The following SIPA1L3 variants were observed in gnomAD, a reference collection of about 807,000 sequenced individuals.
SIPA1L3 encodes the protein signal-induced proliferation-associated 1-like protein 3.
In SIPA1L3, 59 loss-of-function variants were observed where a neutral mutation model predicts 150.1. That is an observed-to-expected ratio of 0.39 (90% CI 0.32 to 0.49). SIPA1L3 has a LOEUF of 0.49. Ranked by LOEUF, SIPA1L3 falls within the 20% of genes least tolerant of loss-of-function variation. SIPA1L3 has a pLI of 0.86. For synonymous variants in SIPA1L3, 1,070 were observed against 1,077.6 expected (o/e 0.99, Z 0.14); for missense variants, 2,211 against 2,489.5 (o/e 0.89, Z 2.38).
At chr19:38,093,061 G>C (rs559288879) in intron 4 of SIPA1L3, among the ~76,000 whole-genome samples, 12 of 152,028 alleles carry the variant, frequency 7.9e-5, no homozygotes, top group Non-Finnish European at 1.6e-4. Flanking sequence ...GGGTTTCACT[G>C]TGTTAGGCAG....
intron 9 of SIPA1L3, among the ~76,000 whole-genome samples, chr19:38,124,430 T>A (rs1433690851): frequency 2.7e-5 from 4 of 147,754 alleles, no homozygotes; most frequent in Non-Finnish European, 5.9e-5. Context: ...CGTTCCTCAC[T>A]TCCTAGATGG....
intron 8 of SIPA1L3, among the ~76,000 whole-genome samples, chr19:38,115,669 C>T (rs905081943): frequency 1.3e-5 from 2 of 152,190 alleles, no homozygotes; most frequent in African/African-American, 4.8e-5. Context: ...GGCTGCAGCA[C>T]TCTCCCCCAG....
rs552210592 is a variant in SIPA1L3, at chr19:38,102,049, CTTTTTTTTT to C, written c.2029+832_2029+840del. Among the ~76,000 whole-genome samples the C allele has an allele frequency of 7.3e-3, 997 of 137,144 alleles. 9 individuals carry two copies. Among genetic ancestry groups the C allele is most frequent in the African/African-American group, 0.025 (959 of 37,856 alleles). The allele number at this position is 137,144 out of a possible 152,430, so 90.0% of individuals were successfully genotyped here. A position where few individuals can be genotyped will look rare whatever the true frequency, so the allele number is the denominator to read the frequency against. On this transcript the variant is annotated intron_variant, in intron 6 of 21. Transcript: ENST00000222345. ...CAATTTTTTTCTTTTCTTTTCTTTTCTTTTTTTTTTTTTTTTTGAAACAGTCTGCCTCTA... is the reference window on the plus strand; with the variant it reads ...CAATTTTTTTCTTTTCTTTTCTTTTCTTTTTTTTGAAACAGTCTGCCTCTA...
rs1054320460 is a variant in SIPA1L3, at chr19:38,162,154, A to G, written c.3662-99A>G. On this transcript the variant is annotated intron_variant, in intron 13 of 21. Transcript: ENST00000222345. The stretch of plus-strand genomic sequence containing the variant: ...CTCCAAGGTGTAAATTGATGGGGTC[A>G]TGCCGTGGGTGAGCAGACAGTCTGG... 3.6e-6 allele frequency: 3 copies of G among 844,056 alleles called. No homozygotes were observed. The African/African-American group carries it at 5.0e-5, about 14-fold the overall frequency. The allele number at this position is 844,056 out of a possible 1,614,324, so 52.3% of individuals were successfully genotyped here.
At chr19:38,115,151 G>A (rs1461249975) in intron 8 of SIPA1L3, among the ~76,000 whole-genome samples, 1 of 152,204 alleles carries the variant, frequency 6.6e-6, no homozygotes, top group East Asian at 1.9e-4. Context: ...GGCTCAGAGG[G>A]AGACGGGAGA....
intron 21 of SIPA1L3, 44 bp from the exon 22 acceptor site, chr19:38,206,053 C>A: frequency 6.7e-7 from 1 of 1,496,640 alleles, no homozygotes; most frequent in Admixed American, 2.2e-5. Flanking sequence ...GTTCCAGGAG[C>A]GGCCAAGCCC....
At chr19:37,945,883 G>C (rs940421789) in intron 1 of SIPA1L3, among the ~76,000 whole-genome samples, 1 of 152,260 alleles carries the variant, frequency 6.6e-6, no homozygotes, top group South Asian at 2.1e-4. Flanking sequence ...GGCTGGGCGT[G>C]GTGGCTCACG....
At chr19:37,908,436 A>G (rs1299308237) in intron 1 of SIPA1L3, among the ~76,000 whole-genome samples, 2 of 152,170 alleles carry the variant, frequency 1.3e-5, no homozygotes, top group African/African-American at 4.8e-5. Context: ...CTGTGACATG[A>G]CAGCCCTGAG....
intron 1 of SIPA1L3, among the ~76,000 whole-genome samples, chr19:37,981,987 A>G (rs1052041285): frequency 1.3e-5 from 2 of 152,192 alleles, no homozygotes; most frequent in Non-Finnish European, 2.9e-5. Flanking sequence ...CTATCTTGCC[A>G]TCAGAGAGGC....
intron 12 of SIPA1L3, among the ~76,000 whole-genome samples, chr19:38,150,848 A>G (rs925237300): frequency 1.8e-4 from 28 of 152,096 alleles, no homozygotes; most frequent in African/African-American, 5.6e-4. Flanking sequence ...GCTAATATCA[A>G]CATTATTAAT....
At chr19:38,088,566 T>G (rs1235140506) in intron 3 of SIPA1L3, among the ~76,000 whole-genome samples, 155 bp from the exon 4 acceptor site, 1 of 152,184 alleles carries the variant, frequency 6.6e-6, no homozygotes, top group African/African-American at 2.4e-5. Flanking sequence ...GTGTCTCCAC[T>G]GGGGGTGTCT....
At chr19:37,943,729 G>A (rs1045932343) in intron 1 of SIPA1L3, among the ~76,000 whole-genome samples, 1 of 151,980 alleles carries the variant, frequency 6.6e-6, no homozygotes, top group African/African-American at 2.4e-5. Flanking sequence ...CCACTCACAG[G>A]GTGTGTGTTG....
chr19:38,041,662 G>A (rs1195244362), intron 2 of SIPA1L3, among the ~76,000 whole-genome samples: 2 of 151,128 alleles, frequency 1.3e-5, no homozygotes, highest in South Asian at 2.1e-4. Flanking sequence ...GGCTGGTCTC[G>A]AACTCCTAAC....
rs4803641 is a variant in SIPA1L3, at chr19:37,973,560, A to C, written c.-378-55529A>C. ...AAAAAAAAAAAAAAAAAAAAGCGGG[A>C]GGGGGGCGCATCTTGAAGCACTAAA... On this transcript the variant is annotated intron_variant, in intron 1 of 21. Transcript: ENST00000222345. Among the ~76,000 whole-genome samples, 32 of 94,974 alleles carry C rather than the reference A, an allele frequency of 3.4e-4. 4 individuals carry two copies. The highest frequency in any genetic ancestry group is 1.4e-3 in the African/African-American group (28 of 19,672). 62.3% of individuals were successfully genotyped at this position (94,974 alleles called of 152,430 possible).
chr19:38,198,294 G>T lies in SIPA1L3; in HGVS notation c.4841-95G>T, dbSNP rs376931610. The stretch of plus-strand genomic sequence containing the variant: ...CCCTGCTGGAGGTTTTCCTGGGCAT[G>T]TAGCATCTCTGCATAAGCAATGGGA... On this transcript the variant is annotated intron_variant, in intron 18 of 21. Transcript: ENST00000222345. 2.1e-4 allele frequency: 278 copies of T among 1,340,352 alleles called. 2 individuals carry two copies. The African/African-American group carries it at 3.9e-3, about 19-fold the overall frequency. 83.0% of individuals were successfully genotyped at this position (1,340,352 alleles called of 1,614,324 possible). A position where few individuals can be genotyped will look rare whatever the true frequency, so the allele number is the denominator to read the frequency against.
chr19:37,936,280 C>T (rs528842291), intron 1 of SIPA1L3, among the ~76,000 whole-genome samples: 7 of 152,274 alleles, frequency 4.6e-5, no homozygotes, highest in Admixed American at 1.3e-4. Context: ...AGGAAGAAGA[C>T]GGAGAGTGGA....
chr19:37,939,226 G>GT (rs1396999475), intron 1 of SIPA1L3, among the ~76,000 whole-genome samples: 1 of 151,948 alleles, frequency 6.6e-6, no homozygotes, highest in African/African-American at 2.4e-5. Context: ...GGTATCAGAT[G>GT]TATCTGTTAG....
rs73930350 is a variant in SIPA1L3 at position 38,081,262 on chromosome 19, G to A, written c.-304G>A. On this transcript the variant is annotated 5_prime_UTR_variant, in exon 3 of 22. Transcript: ENST00000222345. The stretch of plus-strand genomic sequence containing the variant: ...TCCTTTTCTTCCATTTCAGCATGGC[G>A]AGGACAACATCCTTGCTGCCTCCAG... The A allele has an allele frequency of 1.5e-5, 6 of 411,570 alleles. No individual in the cohort carries two copies. The highest frequency in any genetic ancestry group is 1.0e-4 in the African/African-American group (5 of 49,112). 25.5% of individuals were successfully genotyped at this position (411,570 alleles called of 1,614,324 possible). A position where few individuals can be genotyped will look rare whatever the true frequency, so the allele number is the denominator to read the frequency against.
chr19:38,035,662 T>C (rs866575296), intron 2 of SIPA1L3, among the ~76,000 whole-genome samples: 2 of 152,074 alleles, frequency 1.3e-5, no homozygotes, highest in South Asian at 2.1e-4. Flanking sequence ...GATGGGATTA[T>C]GAATTTCAAG....
Sources: gnomAD v4.1 joint callset for allele counts (sites outside exome capture counted in the v4.1 genomes callset) on GRCh38, gnomAD v4.1.1 for gene constraint, MANE v1.5 for transcripts, NCBI Gene and HGNC (gene_info 2026-07-23, HGNC 2026-07-21) for gene names.